Variants in UBFD1 observed in about 807,000 individuals in gnomAD.
The protein encoded by UBFD1 is ubiquitin domain-containing protein UBFD1.
A neutral mutation model predicts 35.1 loss-of-function variants in UBFD1; 12 were observed. The observed-to-expected ratio is 0.34, with a 90% CI of 0.22 to 0.55. UBFD1 has a LOEUF of 0.55. Among genes scored for constraint, UBFD1 ranks in the 20% least tolerant of loss-of-function variants. The pLI is 0.89. For synonymous variants in UBFD1, 178 were observed against 167.6 expected (o/e 1.06, Z -0.48); for missense variants, 337 against 410.8 (o/e 0.82, Z 1.55).
intron 5 of UBFD1, chr16:23,565,908 C>G (rs1890071528): frequency 7.0e-6 from 1 of 141,898 alleles, no homozygotes; most frequent in Non-Finnish European, 1.5e-5. Context: ...TGGCCATGTC[C>G]CCTTGTGCAG....
At chr16:23,566,852 C>A in intron 5 of UBFD1, 135 bp from the exon 6 acceptor site, 1 of 786,582 alleles carries the variant, frequency 1.3e-6, no homozygotes. Context: ...TCGTGTTGTC[C>A]CCAGAGGGCA....
At position 23,572,165 on chromosome 16, in the gene UBFD1, CTT is replaced by C. The variant is rs1488677616; in HGVS notation, c.*1576_*1577del. On this transcript the variant is annotated 3_prime_UTR_variant, in exon 7 of 7. Coordinates refer to ENST00000395878, the MANE Select transcript of UBFD1 (RefSeq NM_019116.3). ...GGAATCCAGCCCACATAGACAGACT[CTT>C]GCTTTCCATGGTGTAGTCAATGCCA... 1 of 152,682 alleles carries C rather than the reference CTT, an allele frequency of 6.5e-6. No homozygotes were observed. The highest frequency in any genetic ancestry group is 1.9e-4 in the East Asian group (1 of 5,194). 9.5% of individuals were successfully genotyped at this position (152,682 alleles called of 1,614,324 possible).
intron 3 of UBFD1, among the ~76,000 whole-genome samples, chr16:23,560,909 G>A (rs1965923534): frequency 6.6e-6 from 1 of 152,194 alleles, no homozygotes; most frequent in East Asian, 1.9e-4. Flanking sequence ...TTTGCCACAT[G>A]TATGAAATAG....
At chr16:23,562,787 A>C in intron 5 of UBFD1, 57 bp downstream of exon 5, 1 of 1,473,324 alleles carries the variant, frequency 6.8e-7, no homozygotes, top group Non-Finnish European at 9.5e-7. Flanking sequence ...ACCCAGCAGC[A>C]CTCACATTTT....
At chr16:23,562,012 T>G in intron 3 of UBFD1, 194 bp from the exon 4 acceptor site, 9 of 568,550 alleles carry the variant, frequency 1.6e-5, no homozygotes. Context: ...CTAGCACAGG[T>G]ACGAACATAT....
At chr16:23,558,328 T>C in intron 2 of UBFD1, 49 bp downstream of exon 2, 1 of 1,590,332 alleles carries the variant, frequency 6.3e-7, no homozygotes, top group South Asian at 1.1e-5. Flanking sequence ...CGCCTCCTGA[T>C]GGCCCTTGCA....
At chr16:23,562,536 G>T in intron 4 of UBFD1, 89 bp from the exon 5 acceptor site, 2 of 1,240,354 alleles carry the variant, frequency 1.6e-6, no homozygotes, top group Middle Eastern at 4.2e-4. Flanking sequence ...CCAGTGTGCT[G>T]GGATTACAGG....
intron 4 of UBFD1, 147 bp from the exon 5 acceptor site, chr16:23,562,478 G>C (rs181617610): frequency 1.2e-6 from 1 of 813,978 alleles, no homozygotes; most frequent in East Asian, 2.7e-5. Context: ...ATGTTGCCCA[G>C]GCTAGTCTCC....
rs1965854324 is a variant in UBFD1 at position 23,558,186 on chromosome 16, T to G, written c.262T>G (p.Leu88Val). 4.4e-6 allele frequency: 7 copies of G among 1,608,234 alleles called. No homozygotes were observed. In the East Asian group the frequency reaches 1.1e-4, roughly 26 times the overall value. ...CGGCGCGGGCAGGGAGCTGGTGGACTTGAAGATCATCTGGAATAAGACCAA... is the reference window on the plus strand; with the variant it reads ...CGGCGCGGGCAGGGAGCTGGTGGACGTGAAGATCATCTGGAATAAGACCAA... ...GGGAGRELVD[L>V]KIIWNKTKHD... Residue 88 changes from leucine (L) to valine (V), a missense_variant, in exon 2 of 7, where the codon TTG becomes GTG. This residue lies in a region of UBFD1 where 198 missense variants were observed against 168.4 expected (regional missense o/e 1.18). Transcript: ENST00000395878.
At position 23,559,513 on chromosome 16, in the gene UBFD1, C is replaced by A; in HGVS notation, c.401C>A (p.Pro134His). 6.2e-7 allele frequency: 1 copy of A among 1,614,082 alleles called. No homozygotes were observed. Among genetic ancestry groups the A allele is most frequent in the South Asian group, 1.1e-5 (1 of 91,014 alleles). ...AAAGTCATGTATAAGGGACTCGTCC[C>A]CGAGGATAAAACATTGAGAGAAATA... ...MQKVMYKGLV[P>H]EDKTLREIKV... is the part of the protein sequence containing the mutation. The change falls in exon 3 of 7, where the codon CCC becomes CAC. Residue 134 changes from proline to histidine, a missense_variant. Physicochemically the swap from Pro to His is moderately conservative, Grantham distance 77 (BLOSUM62 -2). Around this residue, in one of 4 missense-constraint regions of UBFD1, gnomAD observed 24 missense variants for 53.7 expected, o/e 0.45. Coordinates refer to ENST00000395878, the MANE Select transcript of UBFD1 (RefSeq NM_019116.3).
In UBFD1 at chr16:23,558,101, C is replaced by T; in HGVS notation, c.177C>T (p.Ala59=). ...GAGGCAGCCTGCAGCCGGCCCCGGC[C>T]CAGCCCCCTGGGGACCCCGCAGCCC... is the stretch of plus-strand genomic sequence containing the variant. ...AARGSLQPAP[A]QPPGDPAAQA... The change falls in exon 2 of 7, where the codon GCC becomes GCT. Residue 59 remains alanine, a synonymous_variant. Transcript: ENST00000395878. The T allele has an allele frequency of 6.4e-7, 1 of 1,554,326 alleles. No individual in the cohort carries two copies.
intron 1 of UBFD1, 61 bp from the exon 2 acceptor site, chr16:23,557,888 CG>C: frequency 7.9e-7 from 1 of 1,271,220 alleles, no homozygotes; most frequent in Non-Finnish European, 9.9e-7. Flanking sequence ...CGGCGGCGCC[CG>C]GACAGCGTCC....
In UBFD1 at chr16:23,558,039, G is replaced by T; in HGVS notation, c.115G>T (p.Ala39Ser). ...RPVNCLEAEA[A>S]AGAAAEDSGA... ...CGTCAACTGCCTGGAGGCTGAAGCC[G>T]CGGCGGGGGCGGCGGCCGAGGACTC... Residue 39 changes from alanine to serine, a missense_variant, in exon 2 of 7, where the codon GCG becomes TCG. Physicochemically the swap from Ala to Ser is moderately conservative, Grantham distance 99 (BLOSUM62 1). Coordinates refer to ENST00000395878, the MANE Select transcript of UBFD1 (RefSeq NM_019116.3). 1 of 1,338,698 alleles carries T rather than the reference G, an allele frequency of 7.5e-7. No homozygotes were observed. Among genetic ancestry groups the T allele is most frequent in the Non-Finnish European group, 9.5e-7 (1 of 1,048,470 alleles). The allele number at this position is 1,338,698 out of a possible 1,614,324, so 82.9% of individuals were successfully genotyped here.
intron 5 of UBFD1, among the ~76,000 whole-genome samples, chr16:23,563,579 A>G (rs938345940): frequency 1.3e-5 from 2 of 152,122 alleles, no homozygotes; most frequent in African/African-American, 2.4e-5. Flanking sequence ...TCACTGCCCC[A>G]TCTGTGTTTT....
At chr16:23,560,743 C>T (rs1013289563) in intron 3 of UBFD1, among the ~76,000 whole-genome samples, 10 of 152,086 alleles carry the variant, frequency 6.6e-5, no homozygotes, top group African/African-American at 2.4e-4. Flanking sequence ...TATAAAAATT[C>T]CAAAACCCTG....
At chr16:23,564,450 C>G (rs1965982444) in intron 5 of UBFD1, 2 of 152,164 alleles carry the variant, frequency 1.3e-5, no homozygotes, top group Non-Finnish European at 1.5e-5. Context: ...CCAGTTTTTG[C>G]AAGGGCCTTT....
intron 6 of UBFD1, among the ~76,000 whole-genome samples, chr16:23,567,446 G>T (rs1290335846): frequency 6.6e-6 from 1 of 152,120 alleles, no homozygotes; most frequent in African/African-American, 2.4e-5. Context: ...AACAAAACTT[G>T]CCCTTAGCCT....
chr16:23,557,913 G>A, intron 1 of UBFD1, 37 bp from the exon 2 acceptor site: 2 of 1,289,380 alleles, frequency 1.6e-6, no homozygotes, highest in East Asian at 3.1e-5. Context: ...CCCAAGCCCA[G>A]CCCGCGGCGA....
intron 2 of UBFD1, among the ~76,000 whole-genome samples, 155 bp downstream of exon 2, chr16:23,558,434 G>A (rs1965863121): frequency 6.6e-6 from 1 of 152,210 alleles, no homozygotes; most frequent in Non-Finnish European, 1.5e-5. Flanking sequence ...CTCAGCTGGG[G>A]AAAGAGACTC....
Sources: gnomAD v4.1 joint callset for allele counts (sites outside exome capture counted in the v4.1 genomes callset) on GRCh38, gnomAD v4.1.1 for gene constraint, gnomAD v4.1.1 regional missense constraint, MANE v1.5 for transcripts, NCBI Gene and HGNC (gene_info 2026-07-23, HGNC 2026-07-21) for gene names.